SFMBT2: variants seen among roughly 807,000 people sequenced by gnomAD.
The protein encoded by SFMBT2 is scm-like with four MBT domains protein 2.
In SFMBT2, 38 loss-of-function variants were observed where a neutral mutation model predicts 110.1. That is an observed-to-expected ratio of 0.35 (90% CI 0.27 to 0.45). The LOEUF (loss-of-function observed/expected upper bound fraction) is 0.45. Ranked by LOEUF, SFMBT2 falls within the 20% of genes least tolerant of loss-of-function variation. The pLI, the probability that SFMBT2 is intolerant of heterozygous loss-of-function variation, is 1.00. For synonymous variants in SFMBT2, 425 were observed against 425.4 expected, an observed-to-expected ratio of 1.00 and a Z score of 0.01; for missense variants, 1,011 against 1,094.9, an observed-to-expected ratio of 0.92 and a Z score of 1.08.
intron 10 of SFMBT2, among the ~76,000 whole-genome samples, chr10:7,227,217 G>A (rs1383970475): frequency 6.6e-6 from 1 of 152,302 alleles, no homozygotes; most frequent in East Asian, 1.9e-4. Flanking sequence ...AGGTAAGACA[G>A]CATTTTAAGA....
At chr10:7,358,234 C>T (rs1844586412) in intron 4 of SFMBT2, among the ~76,000 whole-genome samples, 1 of 136,362 alleles carries the variant, frequency 7.3e-6, no homozygotes, top group African/African-American at 2.5e-5. Flanking sequence ...TGCCCTAGAA[C>T]ACCTGCATGG....
At chr10:7,197,793 G>A in intron 14 of SFMBT2, 106 bp from the exon 15 acceptor site, 1 of 1,444,294 alleles carries the variant, frequency 6.9e-7, no homozygotes, top group Non-Finnish European at 9.2e-7. Context: ...GGACCACACA[G>A]AGCTGTCCGA....
At chr10:7,249,497 C>T in intron 7 of SFMBT2, 1 of 984,106 alleles carries the variant, frequency 1.0e-6, no homozygotes, top group Non-Finnish European at 1.2e-6. Context: ...TGCAGTCTGT[C>T]CCTGAGGAAA....
In SFMBT2 at chr10:7,403,858, A is replaced by G. The variant is rs150455174; in HGVS notation, c.-52+7003T>C. 3.3e-5 allele frequency among the ~76,000 whole-genome samples: 5 copies of G among 152,354 alleles called. No homozygotes were observed. In the East Asian group the frequency reaches 9.6e-4, roughly 29 times the overall value. On this transcript the variant is annotated intron_variant, in intron 1 of 20. Transcript: ENST00000397167. ...GGATGACAAAACTCTCCTAAAATAG[A>G]TGAAATATAAATATGAAGCAACAAG...
intron 7 of SFMBT2, among the ~76,000 whole-genome samples, chr10:7,253,123 G>T (rs1321076808): frequency 6.6e-6 from 1 of 152,154 alleles, no homozygotes; most frequent in African/African-American, 2.4e-5. Flanking sequence ...ACTCCACAGG[G>T]CCAGAAGCCC....
intron 2 of SFMBT2, among the ~76,000 whole-genome samples, chr10:7,373,761 G>A (rs1455728219): frequency 6.6e-6 from 1 of 152,190 alleles, no homozygotes; most frequent in Admixed American, 6.5e-5. Flanking sequence ...GACACAGGAA[G>A]CCGTGGCCAC....
intron 11 of SFMBT2, among the ~76,000 whole-genome samples, chr10:7,215,057 C>T (rs929528833): frequency 3.9e-5 from 6 of 152,228 alleles, no homozygotes; most frequent in African/African-American, 7.2e-5. Context: ...GAGCTGATCA[C>T]ATTCCTTCTA....
intron 2 of SFMBT2, 102 bp downstream of exon 2, chr10:7,381,697 T>C (rs1208958550): frequency 4.0e-6 from 5 of 1,253,812 alleles, no homozygotes; most frequent in Admixed American, 2.1e-5. Context: ...CCAGACAGTA[T>C]GTGAGATCTA....
rs201491173 is a variant in SFMBT2 at position 7,381,902 on chromosome 10, T to C, written c.-4A>G. 25 of 1,586,658 alleles carry C rather than the reference T, an allele frequency of 1.6e-5. No individual in the cohort carries two copies. Among genetic ancestry groups the C allele is most frequent in the Admixed American group, 5.2e-5 (3 of 58,150 alleles). On this transcript the variant is annotated 5_prime_UTR_variant, in exon 2 of 21. Transcript: ENST00000397167. Reference sequence around the variant, plus strand: ...AAGCTGACAAAGTGCTCTCCATGCCTGATGAGCAAGTGTCTCTTCTCTTAA... The same window carrying C: ...AAGCTGACAAAGTGCTCTCCATGCCCGATGAGCAAGTGTCTCTTCTCTTAA...
intron 9 of SFMBT2, among the ~76,000 whole-genome samples, chr10:7,233,468 A>T (rs994460660): frequency 6.6e-6 from 1 of 152,200 alleles, no homozygotes; most frequent in African/African-American, 2.4e-5. Context: ...CTCACCCCAG[A>T]GAATGTTTAC....
At chr10:7,255,997 A>AT in intron 7 of SFMBT2, among the ~76,000 whole-genome samples, 1 of 152,330 alleles carries the variant, frequency 6.6e-6, no homozygotes, top group Admixed American at 6.5e-5. Flanking sequence ...TGGATAAGAG[A>AT]TGCTCAGGCT....
chr10:7,329,667 C>A (rs1027155870), intron 4 of SFMBT2: 1 of 242,976 alleles, frequency 4.1e-6, no homozygotes, highest in Non-Finnish European at 6.6e-6. Context: ...ATAACCGGGG[C>A]CTTGGCTGGG....
chr10:7,205,513 C>T (rs1839100181), intron 12 of SFMBT2: 2 of 984,710 alleles, frequency 2.0e-6, no homozygotes, highest in Admixed American at 1.2e-4. Flanking sequence ...TAGTATCTAA[C>T]ATATTTTTTC....
intron 1 of SFMBT2, among the ~76,000 whole-genome samples, chr10:7,410,182 G>A (rs1031040137): frequency 1.3e-5 from 2 of 152,206 alleles, no homozygotes; most frequent in African/African-American, 4.8e-5. Flanking sequence ...ACTTTAAAGA[G>A]AAAATAATGA....
At chr10:7,252,992 T>C (rs566979571) in intron 7 of SFMBT2, among the ~76,000 whole-genome samples, 1 of 152,304 alleles carries the variant, frequency 6.6e-6, no homozygotes, top group South Asian at 2.1e-4. Context: ...TCATTACCAA[T>C]GGCCAAAGAT....
chr10:7,351,859 C>T (rs1279683183), intron 4 of SFMBT2, among the ~76,000 whole-genome samples: 1 of 145,894 alleles, frequency 6.9e-6, no homozygotes, highest in Non-Finnish European at 1.5e-5. Flanking sequence ...CCTATTAAAG[C>T]CTCTTACCTG....
At chr10:7,242,275 T>G (rs1304488351) in intron 9 of SFMBT2, among the ~76,000 whole-genome samples, 2 of 152,168 alleles carry the variant, frequency 1.3e-5, no homozygotes, top group Non-Finnish European at 2.9e-5. Flanking sequence ...TCTTGAAAAC[T>G]GAAGCAGTGA....
At chr10:7,273,022 T>C (rs10905139) in intron 7 of SFMBT2, among the ~76,000 whole-genome samples, 78,581 of 152,002 alleles carry the variant, frequency 0.52, 20,873 homozygotes, top group East Asian at 0.81. Flanking sequence ...CTAGAACTCC[T>C]GACCTCAAAT....
intron 11 of SFMBT2, among the ~76,000 whole-genome samples, chr10:7,207,933 C>G (rs867914602): frequency 2.6e-5 from 4 of 152,292 alleles, no homozygotes; most frequent in Middle Eastern, 3.4e-3. Context: ...TCACCACTGT[C>G]AGTCTTAACT....
Sources: gnomAD v4.1 joint callset for allele counts (sites outside exome capture counted in the v4.1 genomes callset) on GRCh38, gnomAD v4.1.1 for gene constraint, MANE v1.5 for transcripts, NCBI Gene and HGNC (gene_info 2026-07-23, HGNC 2026-07-21) for gene names.